PAPPA2: variants seen among roughly 807,000 people sequenced by gnomAD.
PAPPA2 encodes pappalysin-2.
In PAPPA2, 86 loss-of-function variants were observed where a neutral mutation model predicts 176.4. That is an observed-to-expected ratio of 0.49 (90% CI 0.41 to 0.58). PAPPA2 has a LOEUF of 0.58. PAPPA2 is among the 20% of genes least tolerant of loss of function. The pLI, the probability that PAPPA2 is intolerant of heterozygous loss-of-function variation, is 0.00. For missense variants in PAPPA2, 2,073 were observed against 2,256.9 expected (o/e 0.92, Z 1.65); for synonymous variants, 809 against 852.2 (o/e 0.95, Z 0.88).
At chr1:176,500,272 A>G (rs1259757736) in intron 1 of PAPPA2, among the ~76,000 whole-genome samples, 1 of 152,056 alleles carries the variant, frequency 6.6e-6, no homozygotes, top group African/African-American at 2.4e-5. Flanking sequence ...TTCAAAAATA[A>G]GAAAAACAAT....
intron 11 of PAPPA2, among the ~76,000 whole-genome samples, chr1:176,711,073 C>T (rs1230538718): frequency 6.6e-6 from 1 of 152,162 alleles, no homozygotes; most frequent in Non-Finnish European, 1.5e-5. Context: ...CTGGAAGTTC[C>T]ACCCGCCTCT....
At chr1:176,726,228 C>CTA (rs1338498029) in intron 12 of PAPPA2, among the ~76,000 whole-genome samples, 1 of 152,194 alleles carries the variant, frequency 6.6e-6, no homozygotes, top group Non-Finnish European at 1.5e-5. Context: ...TATTATAGAA[C>CTA]CTAACCCTTT....
chr1:176,735,239 A>G (rs1007054886), intron 12 of PAPPA2, among the ~76,000 whole-genome samples: 21 of 152,152 alleles, frequency 1.4e-4, no homozygotes, highest in African/African-American at 4.8e-4. Context: ...GTGAAGTGCT[A>G]TACAAAAAGA....
At chr1:176,609,183 T>A (rs1396291347) in intron 3 of PAPPA2, among the ~76,000 whole-genome samples, 4 of 152,292 alleles carry the variant, frequency 2.6e-5, no homozygotes, top group African/African-American at 9.6e-5. Flanking sequence ...TGAGAAGAAT[T>A]AGATTATGGT....
intron 1 of PAPPA2, among the ~76,000 whole-genome samples, chr1:176,510,629 A>G (rs1371686409): frequency 1.3e-5 from 2 of 151,984 alleles, no homozygotes; most frequent in African/African-American, 4.8e-5. Context: ...ATTTTTTTCA[A>G]AAGATAACTG....
intron 3 of PAPPA2, among the ~76,000 whole-genome samples, chr1:176,602,830 A>C (rs1654403244): frequency 6.6e-6 from 1 of 152,204 alleles, no homozygotes; most frequent in Admixed American, 6.5e-5. Context: ...GAAAGAAATA[A>C]GAGGAGGTTC....
chr1:176,769,137 A>T (rs772691917), intron 15 of PAPPA2, among the ~76,000 whole-genome samples: 1 of 152,158 alleles, frequency 6.6e-6, no homozygotes, highest in Non-Finnish European at 1.5e-5. Flanking sequence ...CTTCCAGAAG[A>T]TGCAGCCAAT....
chr1:176,834,902 C>T (rs970369314), intron 21 of PAPPA2, among the ~76,000 whole-genome samples: 2 of 152,116 alleles, frequency 1.3e-5, no homozygotes, highest in Non-Finnish European at 2.9e-5. Context: ...ACCTAAGAGA[C>T]GGAGGTTGCA....
intron 21 of PAPPA2, among the ~76,000 whole-genome samples, chr1:176,820,464 G>A (rs1013104167): frequency 6.6e-6 from 1 of 152,134 alleles, no homozygotes; most frequent in African/African-American, 2.4e-5. Flanking sequence ...TTTCAGAATA[G>A]GGAGACTGGA....
Position 176,690,258 on chromosome 1 carries a change from C to T in PAPPA2, c.2259C>T (p.Ser753=). ...TTAAAGGAGTCAGTGAAAGAGAATCCTGCAATGACCCCTGCAAGGAGACAG... is the reference window on the plus strand; with the variant it reads ...TTAAAGGAGTCAGTGAAAGAGAATCTTGCAATGACCCCTGCAAGGAGACAG... ...HVFKGVSERE[S]CNDPCKETVP... The change falls in exon 5 of 23, where the codon TCC becomes TCT. Residue 753 remains serine, a synonymous_variant. Coordinates refer to ENST00000367662, the MANE Select transcript of PAPPA2 (RefSeq NM_020318.3). 1 of 1,614,066 alleles carries T rather than the reference C, an allele frequency of 6.2e-7. No individual in the cohort carries two copies. Among genetic ancestry groups the T allele is most frequent in the Non-Finnish European group, 8.5e-7 (1 of 1,179,990 alleles).
chr1:176,626,410 A>AT (rs917719425), intron 3 of PAPPA2, among the ~76,000 whole-genome samples: 26 of 152,026 alleles, frequency 1.7e-4, no homozygotes, highest in South Asian at 6.2e-4. Context: ...TTATTTTGAG[A>AT]TTTTTTTAAA....
chr1:176,740,132 A>T lies in PAPPA2; in HGVS notation c.4087A>T (p.Ile1363Phe). 1 of 1,613,752 alleles carries T rather than the reference A, an allele frequency of 6.2e-7. No homozygotes were observed. The highest frequency in any genetic ancestry group is 8.5e-7 in the Non-Finnish European group (1 of 1,179,818). The part of the protein sequence containing the change: ...SAVALRTSSR[I>F]GLSAPSNCIS... ...TGTGGCTCTAAGGACATCCTCCCGC[A>T]TTGGTCTTTCGGCTCCCAGTAACTG... The change falls in exon 14 of 23, where the codon ATT becomes TTT. Residue 1363 changes from isoleucine to phenylalanine, a missense_variant. Physicochemically the swap from Ile to Phe is conservative, Grantham distance 21. Around this residue, in one of 4 missense-constraint regions of PAPPA2, gnomAD observed 846 missense variants for 857.9 expected, o/e 0.99. Coordinates refer to ENST00000367662, the MANE Select transcript of PAPPA2 (RefSeq NM_020318.3).
Position 176,797,006 on chromosome 1 carries a change from A to G in PAPPA2, c.5131-3055A>G, listed in dbSNP as rs1665472416. On this transcript the variant is annotated intron_variant, in intron 20 of 22. Coordinates refer to ENST00000367662, the MANE Select transcript of PAPPA2 (RefSeq NM_020318.3). ...GAAATTTTTAAACTAATTTTCTCTT[A>G]AACTTTTTTTATGTTGGAAAGTTCA... 2.0e-5 allele frequency among the ~76,000 whole-genome samples: 3 copies of G among 152,298 alleles called. 1 individual carries two copies. Among genetic ancestry groups the G allele is most frequent in the Middle Eastern group, 6.8e-3 (2 of 294 alleles).
At chr1:176,718,401 AT>A (rs1160144562) in intron 12 of PAPPA2, among the ~76,000 whole-genome samples, 5 of 152,058 alleles carry the variant, frequency 3.3e-5, no homozygotes, top group Non-Finnish European at 4.4e-5. Context: ...GAAGATATAT[AT>A]GATCTTATTT....
intron 3 of PAPPA2, among the ~76,000 whole-genome samples, chr1:176,631,918 G>C (rs191883765): frequency 6.6e-6 from 1 of 152,274 alleles, no homozygotes; most frequent in East Asian, 1.9e-4. Flanking sequence ...AAAGTGATGG[G>C]ATCTATTGCA....
chr1:176,680,947 TTTGA>T (rs1659558224), intron 4 of PAPPA2, among the ~76,000 whole-genome samples: 1 of 152,134 alleles, frequency 6.6e-6, no homozygotes, highest in South Asian at 2.1e-4. Flanking sequence ...AGGAGTTCTG[TTTGA>T]TTGACTGAGT....
chr1:176,796,417 A>C (rs149740277), intron 20 of PAPPA2, among the ~76,000 whole-genome samples: 1 of 152,330 alleles, frequency 6.6e-6, no homozygotes, highest in Non-Finnish European at 1.5e-5. Flanking sequence ...CCCTGATGTG[A>C]TTAGCAGCCC....
rs1443167000 is a variant in PAPPA2, at chr1:176,765,856, A to G, written c.4323+19A>G. On this transcript the variant is annotated intron_variant, in intron 15 of 22. Transcript: ENST00000367662. The stretch of plus-strand genomic sequence containing the variant: ...CATGCAGGTGAGTTGAAAGAACACT[A>G]TCACCAGGACCAAGTTCCTGGGAAG... 11 of 1,611,446 alleles carry G rather than the reference A, an allele frequency of 6.8e-6. No individual in the cohort carries two copies. Among genetic ancestry groups the G allele is most frequent in the Non-Finnish European group, 8.5e-6 (10 of 1,178,894 alleles).
At position 176,608,915 on chromosome 1, in the gene PAPPA2, G is replaced by T. The variant is rs541680010; in HGVS notation, c.1991+13320G>T. Among the ~76,000 whole-genome samples, 3 of 152,146 alleles carry T rather than the reference G, an allele frequency of 2.0e-5. No individual in the cohort carries two copies. In the South Asian group the frequency reaches 6.2e-4, roughly 31 times the overall value. On this transcript the variant is annotated intron_variant, in intron 3 of 22. Transcript: ENST00000367662. ...TATTCACCGGTTTTAGTTGTTTTCA[G>T]TGGAGGGATGATCAGGGATTCTAAA...
Sources: gnomAD v4.1 joint callset for allele counts (sites outside exome capture counted in the v4.1 genomes callset) on GRCh38, gnomAD v4.1.1 for gene constraint, gnomAD v4.1.1 regional missense constraint, MANE v1.5 for transcripts, NCBI Gene and HGNC (gene_info 2026-07-23, HGNC 2026-07-21) for gene names.